The following GDPD5 variants were observed in gnomAD, a reference collection of about 807,000 sequenced individuals.
GDPD5 encodes the protein glycerophosphodiester phosphodiesterase 2.
A neutral mutation model predicts 75.1 loss-of-function variants in GDPD5; 48 were observed. That is an observed-to-expected ratio of 0.64 (90% CI 0.51 to 0.81). The LOEUF is 0.81. Ranked by LOEUF, GDPD5 falls within the 40% of genes least tolerant of loss-of-function variation. The probability of loss-of-function intolerance (pLI) is 0.00; values close to 1 mark genes in which losing one functional copy is unlikely to be tolerated. For missense variants in GDPD5, 706 were observed against 822.6 expected (o/e 0.86, Z 1.73); for synonymous variants, 336 against 339.0 (o/e 0.99, Z 0.10).
intron 9 of GDPD5, among the ~76,000 whole-genome samples, chr11:75,444,934 G>T (rs1192391867): frequency 6.6e-6 from 1 of 152,070 alleles, no homozygotes; most frequent in Non-Finnish European, 1.5e-5. Flanking sequence ...GTTATACCAA[G>T]GGTTATACCC....
At chr11:75,519,690 TG>T (rs1950715054) in intron 1 of GDPD5, among the ~76,000 whole-genome samples, 1 of 152,220 alleles carries the variant, frequency 6.6e-6, no homozygotes, top group Admixed American at 6.5e-5. Flanking sequence ...TTAAATCACT[TG>T]CCCAAGTCAT....
intron 2 of GDPD5, among the ~76,000 whole-genome samples, chr11:75,487,658 G>A (rs1196861030): frequency 1.3e-5 from 2 of 152,224 alleles, no homozygotes; most frequent in South Asian, 2.1e-4. Context: ...CATTCCTCTC[G>A]GGAGGAGGCT....
chr11:75,454,970 G>A (rs1376029778), intron 6 of GDPD5, among the ~76,000 whole-genome samples: 1 of 152,212 alleles, frequency 6.6e-6, no homozygotes, highest in African/African-American at 2.4e-5. Context: ...GGAACACTCT[G>A]AGCTCTGGGG....
chr11:75,449,465 G>A, intron 8 of GDPD5, 52 bp downstream of exon 8: 1 of 1,507,176 alleles, frequency 6.6e-7, no homozygotes, highest in Non-Finnish European at 9.0e-7. Context: ...GCACCAGCTG[G>A]TCTTGGCACC....
intron 2 of GDPD5, among the ~76,000 whole-genome samples, chr11:75,489,159 C>A (rs1229606622): frequency 2.1e-5 from 3 of 140,168 alleles, no homozygotes; most frequent in African/African-American, 7.7e-5. Context: ...AGCCTCTTCC[C>A]AATTTACAGA....
At chr11:75,474,754 G>A (rs1322051800) in intron 3 of GDPD5, among the ~76,000 whole-genome samples, 1 of 152,140 alleles carries the variant, frequency 6.6e-6, no homozygotes, top group Non-Finnish European at 1.5e-5. Context: ...CCACTTCAGG[G>A]CCCAGGGCTG....
intron 6 of GDPD5, among the ~76,000 whole-genome samples, chr11:75,452,563 G>A (rs1232909033): frequency 1.3e-5 from 2 of 152,216 alleles, no homozygotes; most frequent in Non-Finnish European, 2.9e-5. Context: ...AATAAAGGAT[G>A]GTTACTGCTG....
intron 1 of GDPD5, among the ~76,000 whole-genome samples, chr11:75,497,962 G>A (rs1950241173): frequency 6.6e-6 from 1 of 152,206 alleles, no homozygotes; most frequent in South Asian, 2.1e-4. Context: ...TTTTAGTTGA[G>A]CACATACAAA....
chr11:75,489,807 A>G (rs1028070457), intron 2 of GDPD5, among the ~76,000 whole-genome samples: 1 of 150,848 alleles, frequency 6.6e-6, no homozygotes, highest in Non-Finnish European at 1.5e-5. Context: ...TGGCACAATC[A>G]TAGCTCACTG....
At chr11:75,477,974 C>T in intron 2 of GDPD5, 179 bp from the exon 3 acceptor site, 3 of 362,362 alleles carry the variant, frequency 8.3e-6, no homozygotes, top group Non-Finnish European at 1.5e-5. Context: ...CTGTCCTCTG[C>T]CTCCCACCCA....
chr11:75,439,677 G>A (rs1948730762), intron 15 of GDPD5, among the ~76,000 whole-genome samples: 1 of 152,178 alleles, frequency 6.6e-6, no homozygotes, highest in Non-Finnish European at 1.5e-5. Flanking sequence ...CTTGGCTCTG[G>A]GATCCCAGCT....
At chr11:75,521,149 G>C (rs1444041916) in intron 1 of GDPD5, among the ~76,000 whole-genome samples, 1 of 152,136 alleles carries the variant, frequency 6.6e-6, no homozygotes, top group Non-Finnish European at 1.5e-5. Flanking sequence ...GGACACACGG[G>C]ACCCCAGAGA....
chr11:75,502,740 A>G (rs1289571129), intron 1 of GDPD5, among the ~76,000 whole-genome samples: 2 of 152,182 alleles, frequency 1.3e-5, no homozygotes, highest in Non-Finnish European at 2.9e-5. Context: ...CTTCACCAGG[A>G]CACTCCTACT....
At chr11:75,505,061 G>A (rs1051920022) in intron 1 of GDPD5, among the ~76,000 whole-genome samples, 1 of 151,912 alleles carries the variant, frequency 6.6e-6, no homozygotes, top group Admixed American at 6.6e-5. Context: ...GGCAGAGGTT[G>A]CAGTGAGCCG....
Position 75,477,814 on chromosome 11 carries a change from G to A in GDPD5, c.-60-19C>T. 1 of 949,466 alleles carries A rather than the reference G, an allele frequency of 1.1e-6. No homozygotes were observed. Among genetic ancestry groups the A allele is most frequent in the East Asian group, 2.6e-5 (1 of 38,694 alleles). The allele number at this position is 949,466 out of a possible 1,614,324, so 58.8% of individuals were successfully genotyped here. A position where few individuals can be genotyped will look rare whatever the true frequency, so the allele number is the denominator to read the frequency against. Reference sequence around the variant, plus strand: ...GCTTGTCCTGCAGGAGGAAGCACAGGGCAGTGAGGCAGGGGAAGGGTGAGG... The same window carrying A: ...GCTTGTCCTGCAGGAGGAAGCACAGAGCAGTGAGGCAGGGGAAGGGTGAGG... On this transcript the variant is annotated intron_variant, in intron 2 of 16. Transcript: ENST00000336898.
At chr11:75,452,070 A>G (rs1243685261) in intron 6 of GDPD5, 2 of 152,240 alleles carry the variant, frequency 1.3e-5, no homozygotes, top group Non-Finnish European at 2.9e-5. Context: ...TGGTGGGTAC[A>G]GGGGATACAA....
intron 3 of GDPD5, among the ~76,000 whole-genome samples, chr11:75,473,741 T>A (rs1370672311): frequency 6.6e-6 from 1 of 152,142 alleles, no homozygotes. Context: ...TTCCTTTCAG[T>A]TCCTGAACAC....
At chr11:75,446,369 T>C (rs1381166252) in intron 9 of GDPD5, among the ~76,000 whole-genome samples, 1 of 152,160 alleles carries the variant, frequency 6.6e-6, no homozygotes, top group Non-Finnish European at 1.5e-5. Context: ...AGCATACACG[T>C]TGCTGGGGTG....
At chr11:75,491,072 TG>T (rs1249984767) in intron 1 of GDPD5, among the ~76,000 whole-genome samples, 1 of 152,148 alleles carries the variant, frequency 6.6e-6, no homozygotes, top group Non-Finnish European at 1.5e-5. Flanking sequence ...CTGAGCCTCC[TG>T]GTGCCAATAT....
Sources: gnomAD v4.1 joint callset for allele counts (sites outside exome capture counted in the v4.1 genomes callset) on GRCh38, gnomAD v4.1.1 for gene constraint, MANE v1.5 for transcripts, NCBI Gene and HGNC (gene_info 2026-07-23, HGNC 2026-07-21) for gene names.